Variants in CDK13 observed in about 807,000 individuals in gnomAD.
CDK13 encodes cyclin-dependent kinase 13.
A neutral mutation model predicts 137.6 loss-of-function variants in CDK13; 40 were observed. That is an observed-to-expected ratio of 0.29 (90% CI 0.23 to 0.38). The LOEUF (loss-of-function observed/expected upper bound fraction) is 0.38, where lower values mean the gene tolerates loss of function less well. Among genes scored for constraint, CDK13 ranks in the 10% least tolerant of loss-of-function variants. CDK13 has a pLI of 1.00. For missense variants in CDK13, 1,704 were observed against 1,951.8 expected, an observed-to-expected ratio of 0.87 and a Z score of 2.39; for synonymous variants, 869 against 760.1, an observed-to-expected ratio of 1.14 and a Z score of -2.36.
intron 2 of CDK13, among the ~76,000 whole-genome samples, chr7:39,992,739 A>C: frequency 6.6e-6 from 1 of 150,816 alleles, no homozygotes; most frequent in Non-Finnish European, 1.5e-5. Context: ...AGAATGTCTC[A>C]CCTTTGGATT....
chr7:40,008,206 T>C (rs564111570), intron 5 of CDK13, among the ~76,000 whole-genome samples: 1 of 152,378 alleles, frequency 6.6e-6, no homozygotes, highest in South Asian at 2.1e-4. Context: ...CAGTAGCCAC[T>C]AGCCACATGT....
At chr7:40,059,338 G>A (rs1201479320) in intron 7 of CDK13, 1 of 152,876 alleles carries the variant, frequency 6.5e-6, no homozygotes, top group East Asian at 1.9e-4. Flanking sequence ...GAATTCCTGG[G>A]ATTGCTTTTT....
At chr7:40,080,999 CT>C (rs58436580) in intron 11 of CDK13, among the ~76,000 whole-genome samples, 3 of 150,550 alleles carry the variant, frequency 2.0e-5, no homozygotes, top group Non-Finnish European at 1.5e-5. Flanking sequence ...CTCTTATAGA[CT>C]TTTTTTTTTA....
At chr7:40,057,867 G>T (rs953207902) in intron 7 of CDK13, among the ~76,000 whole-genome samples, 4 of 152,092 alleles carry the variant, frequency 2.6e-5, no homozygotes, top group African/African-American at 7.2e-5. Flanking sequence ...AGAAAAACAG[G>T]AGTTCAAATA....
intron 1 of CDK13, among the ~76,000 whole-genome samples, chr7:39,976,323 T>TCTCTCTCTCTCTCTCTCTCCCACA: frequency 2.5e-5 from 1 of 39,548 alleles, no homozygotes; most frequent in Non-Finnish European, 5.8e-5. Context: ...TCTCTCTCTC[T>TCTCTCTCTCTCTCTCTCTCCCACA]CACACACACA....
At chr7:40,003,576 A>T (rs1337961633) in intron 5 of CDK13, among the ~76,000 whole-genome samples, 2 of 152,174 alleles carry the variant, frequency 1.3e-5, no homozygotes, top group Non-Finnish European at 2.9e-5. Context: ...TAAAAGGGAA[A>T]CATTGTCTTT....
chr7:39,951,494 T>G lies in CDK13; in HGVS notation c.853T>G (p.Ser285Ala), dbSNP rs1562692681. 3.3e-6 allele frequency: 5 copies of G among 1,536,916 alleles called. No individual in the cohort carries two copies. The highest frequency in any genetic ancestry group is 8.7e-7 in the Non-Finnish European group (1 of 1,142,928). The change falls in exon 1 of 14, where the codon TCG (serine) becomes GCG (alanine). Residue 285 changes from serine (S) to alanine (A), a missense_variant. Around this residue, in one of 5 missense-constraint regions of CDK13, gnomAD observed 1,051 missense variants for 931.0 expected, o/e 1.13. Transcript: ENST00000181839. The stretch of plus-strand genomic sequence containing the variant: ...GAAGGCCCACCGCAGCCGGACTAAG[T>G]CGTCCAAGGAGCCGCCTTCGGCCTA... ...DSKAHRSRTK[S>A]SKEPPSAYKE...
intron 5 of CDK13, among the ~76,000 whole-genome samples, chr7:40,008,159 T>C (rs1323471195): frequency 6.6e-6 from 1 of 152,242 alleles, no homozygotes; most frequent in Non-Finnish European, 1.5e-5. Flanking sequence ...CAAATGTTTA[T>C]TGTGCTAGTT....
intron 12 of CDK13, among the ~76,000 whole-genome samples, chr7:40,089,214 C>G (rs1786859535): frequency 6.6e-6 from 1 of 151,592 alleles, no homozygotes; most frequent in East Asian, 1.9e-4. Flanking sequence ...ATGGGCAGAC[C>G]ACTTGAGCCC....
intron 11 of CDK13, among the ~76,000 whole-genome samples, chr7:40,087,684 G>A (rs894901915): frequency 6.6e-6 from 1 of 151,678 alleles, no homozygotes; most frequent in African/African-American, 2.4e-5. Flanking sequence ...GAGTAGCTGG[G>A]ATTACAGGTG....
chr7:40,015,468 CA>C (rs1784984369), intron 5 of CDK13, among the ~76,000 whole-genome samples: 1 of 152,098 alleles, frequency 6.6e-6, no homozygotes, highest in African/African-American at 2.4e-5. Flanking sequence ...TCTTCATCTG[CA>C]AAATGGGGTA....
intron 9 of CDK13, among the ~76,000 whole-genome samples, chr7:40,069,049 C>T (rs112384119): frequency 1.3e-5 from 2 of 152,204 alleles, no homozygotes; most frequent in African/African-American, 2.4e-5. Context: ...GCCTGGGCAA[C>T]GTGGCCAAAC....
chr7:40,014,752 A>G (rs1185884408), intron 5 of CDK13, among the ~76,000 whole-genome samples: 1 of 152,150 alleles, frequency 6.6e-6, no homozygotes, highest in African/African-American at 2.4e-5. Context: ...CACTGTGTCC[A>G]GCCCATTTAT....
intron 12 of CDK13, among the ~76,000 whole-genome samples, chr7:40,088,900 C>T (rs757489071): frequency 3.2e-4 from 48 of 151,798 alleles, no homozygotes; most frequent in African/African-American, 9.2e-4. Context: ...GCCAACATCG[C>T]GAAACCCCGT....
intron 1 of CDK13, among the ~76,000 whole-genome samples, chr7:39,983,530 A>G (rs1386628794): frequency 6.6e-6 from 1 of 152,206 alleles, no homozygotes; most frequent in Non-Finnish European, 1.5e-5. Context: ...TTGGGATTTT[A>G]CCTATTATCT....
chr7:39,964,242 G>C (rs1164127791), intron 1 of CDK13, among the ~76,000 whole-genome samples: 1 of 152,120 alleles, frequency 6.6e-6, no homozygotes, highest in African/African-American at 2.4e-5. Context: ...GTGAATCCAT[G>C]TGGTCCTGGA....
chr7:40,034,087 A>T (rs759350684), intron 5 of CDK13, among the ~76,000 whole-genome samples: 42 of 152,186 alleles, frequency 2.8e-4, no homozygotes, highest in Non-Finnish European at 4.1e-4. Flanking sequence ...CTTCGCTATG[A>T]TAATCTGGCA....
chr7:39,952,409 G>C (rs1402821601), intron 1 of CDK13: 1 of 152,134 alleles, frequency 6.6e-6, no homozygotes. Context: ...TGTTAAAAAA[G>C]CTTAGGTGGA....
At chr7:40,082,751 G>T (rs1314445958) in intron 11 of CDK13, among the ~76,000 whole-genome samples, 1 of 145,456 alleles carries the variant, frequency 6.9e-6, no homozygotes, top group Non-Finnish European at 1.5e-5. Flanking sequence ...AGATCTTGCC[G>T]CTGCACTCCA....
Sources: allele counts gnomAD v4.1 joint callset (sites outside exome capture counted in the v4.1 genomes callset), GRCh38; gene constraint gnomAD v4.1.1; regional missense constraint gnomAD v4.1.1; transcripts MANE v1.5; gene names NCBI Gene and HGNC (gene_info 2026-07-23, HGNC 2026-07-21).